ADCY2: variants seen among roughly 807,000 people sequenced by gnomAD.
The protein encoded by ADCY2 is adenylate cyclase type 2.
Under a neutral mutation model 125.2 loss-of-function variants are expected in ADCY2, and 31 were observed. That is an observed-to-expected ratio of 0.25 (90% confidence interval 0.19 to 0.33). The LOEUF is 0.33. Among genes scored for constraint, ADCY2 ranks in the 10% least tolerant of loss-of-function variants. ADCY2 has a pLI of 1.00. For missense variants in ADCY2, 904 were observed against 1,418.2 expected (o/e 0.64, Z 5.82); for synonymous variants, 512 against 548.4 (o/e 0.93, Z 0.93).
At chr5:7,585,791 A>G (rs1227551312) in intron 3 of ADCY2, among the ~76,000 whole-genome samples, 1 of 152,186 alleles carries the variant, frequency 6.6e-6, no homozygotes, top group African/African-American at 2.4e-5. Context: ...AACCCATTGA[A>G]TTGCACACCA....
chr5:7,583,324 A>G (rs554184039), intron 3 of ADCY2, among the ~76,000 whole-genome samples: 16 of 152,244 alleles, frequency 1.1e-4, no homozygotes, highest in African/African-American at 3.8e-4. Flanking sequence ...CTATTTGTGG[A>G]AATTTATAAA....
intron 2 of ADCY2, among the ~76,000 whole-genome samples, chr5:7,432,941 C>T (rs1211100240): frequency 6.6e-6 from 1 of 152,218 alleles, no homozygotes; most frequent in Non-Finnish European, 1.5e-5. Flanking sequence ...GCTTATTGTA[C>T]ATCAGTTATA....
At chr5:7,742,903 A>G (rs1742477961) in intron 14 of ADCY2, among the ~76,000 whole-genome samples, 1 of 152,106 alleles carries the variant, frequency 6.6e-6, no homozygotes, top group African/African-American at 2.4e-5. Context: ...TTTGCATTTC[A>G]TCTTTGATGA....
At chr5:7,769,359 A>G (rs1313858823) in intron 17 of ADCY2, among the ~76,000 whole-genome samples, 1 of 152,220 alleles carries the variant, frequency 6.6e-6, no homozygotes, top group Non-Finnish European at 1.5e-5. Context: ...AAAAAAATTA[A>G]TGACATATAA....
intron 16 of ADCY2, among the ~76,000 whole-genome samples, chr5:7,765,013 G>C (rs905758154): frequency 2.6e-5 from 4 of 152,080 alleles, no homozygotes; most frequent in Non-Finnish European, 5.9e-5. Context: ...GTTAGGAAAC[G>C]TTGTGTGTAG....
At position 7,463,080 on chromosome 5, in the gene ADCY2, T is replaced by C. The variant is rs921332030; in HGVS notation, c.408+48310T>C. Among the ~76,000 whole-genome samples, 4 of 152,358 alleles carry C rather than the reference T, an allele frequency of 2.6e-5. No homozygotes were observed. The South Asian group carries it at 8.3e-4, about 32-fold the overall frequency. On this transcript the variant is annotated intron_variant, in intron 2 of 24. Coordinates refer to ENST00000338316, the MANE Select transcript of ADCY2 (RefSeq NM_020546.3). ...ACCCAACTTTTCCCTTTGAATTGGC[T>C]GATGTTTTCCTTGGAGTCAGTAGCA...
chr5:7,421,070 T>A (rs958909753), intron 2 of ADCY2, among the ~76,000 whole-genome samples: 7 of 152,154 alleles, frequency 4.6e-5, no homozygotes, highest in Non-Finnish European at 5.9e-5. Context: ...TACCCATAAT[T>A]GCTGTGGCGC....
At chr5:7,694,115 A>T (rs1740810987) in intron 5 of ADCY2, among the ~76,000 whole-genome samples, 1 of 152,130 alleles carries the variant, frequency 6.6e-6, no homozygotes, top group East Asian at 1.9e-4. Context: ...ATTCCCACAG[A>T]TCGTGTCCCT....
At chr5:7,509,597 C>T (rs1743979933) in intron 2 of ADCY2, among the ~76,000 whole-genome samples, 1 of 152,194 alleles carries the variant, frequency 6.6e-6, no homozygotes, top group Non-Finnish European at 1.5e-5. Flanking sequence ...CTCTGAATAA[C>T]ATTTTCAGAA....
At chr5:7,793,938 C>T (rs1044131213) in intron 20 of ADCY2, 1 of 152,180 alleles carries the variant, frequency 6.6e-6, no homozygotes, top group Admixed American at 6.5e-5. Context: ...AATGAAAGAG[C>T]TTGGTTTCAG....
At chr5:7,475,749 G>A (rs1310737913) in intron 2 of ADCY2, among the ~76,000 whole-genome samples, 1 of 152,188 alleles carries the variant, frequency 6.6e-6, no homozygotes, top group East Asian at 1.9e-4. Context: ...GCAAAGTCAA[G>A]AGCAGCTCCC....
Position 7,790,220 on chromosome 5 carries a change from C to T in ADCY2, c.2628+420C>T, listed in dbSNP as rs562575548. On this transcript the variant is annotated intron_variant, in intron 20 of 24. Transcript: ENST00000338316. ...GCAACGTTAAACCATGCCTCCCACACGCCCCCTGTTTCCCCACACTCAGCT... is the reference window on the plus strand; with the variant it reads ...GCAACGTTAAACCATGCCTCCCACATGCCCCCTGTTTCCCCACACTCAGCT... Among the ~76,000 whole-genome samples, 260 of 152,230 alleles carry T rather than the reference C, an allele frequency of 1.7e-3. 1 individual carries two copies. The highest frequency in any genetic ancestry group is 5.8e-3 in the African/African-American group (242 of 41,554).
rs1745543253 is a variant in ADCY2 at position 7,827,998 on chromosome 5, T to G, written c.*1127T>G. On this transcript the variant is annotated 3_prime_UTR_variant, in exon 25 of 25. Coordinates refer to ENST00000338316, the MANE Select transcript of ADCY2 (RefSeq NM_020546.3). ...GTACTAAGACCCACAAACTGCCTGT[T>G]AAGTCTGAGAAGGCTAAAGAAGACA... 6.5e-6 allele frequency: 1 copy of G among 152,800 alleles called. No individual in the cohort carries two copies. The allele number at this position is 152,800 out of a possible 1,614,324, so 9.5% of individuals were successfully genotyped here. A position where few individuals can be genotyped will look rare whatever the true frequency, so the allele number is the denominator to read the frequency against.
intron 3 of ADCY2, among the ~76,000 whole-genome samples, chr5:7,620,016 A>G (rs1737903768): frequency 6.6e-6 from 1 of 152,180 alleles, no homozygotes; most frequent in African/African-American, 2.4e-5. Flanking sequence ...AGGATCTTCT[A>G]GGCTTATCTC....
chr5:7,555,841 GAC>G (rs1378150786), intron 3 of ADCY2, among the ~76,000 whole-genome samples: 2 of 141,976 alleles, frequency 1.4e-5, no homozygotes, highest in African/African-American at 2.7e-5. Flanking sequence ...TTCTTTTACA[GAC>G]ACATGTGAGC....
rs1741360871 is a variant in ADCY2 at position 7,709,161 on chromosome 5, T to C, written c.1402-50T>C. On this transcript the variant is annotated intron_variant, in intron 9 of 24. Transcript: ENST00000338316. This position sits in a 1 kb window ranked among gnomAD's most constrained non-coding sequence, Gnocchi z 4.4. ...AATGAGGTCGATGCCAAAAGGATCA[T>C]GTGTGGCCCTGTGCTGTGCCAGGTG... 1.3e-6 allele frequency: 2 copies of C among 1,497,836 alleles called. No individual in the cohort carries two copies. The highest frequency in any genetic ancestry group is 1.4e-5 in the African/African-American group (1 of 70,814). 92.8% of individuals were successfully genotyped at this position (1,497,836 alleles called of 1,614,324 possible).
chr5:7,782,749 T>C (rs942515795), intron 18 of ADCY2, among the ~76,000 whole-genome samples: 1 of 152,242 alleles, frequency 6.6e-6, no homozygotes, highest in African/African-American at 2.4e-5. Context: ...CAATATAGCA[T>C]GAGCATGGTC....
intron 2 of ADCY2, among the ~76,000 whole-genome samples, chr5:7,487,616 T>C (rs2397353): frequency 0.068 from 10,335 of 152,178 alleles, 639 homozygotes; most frequent in African/African-American, 0.16. Context: ...TGTACTCAGC[T>C]CCTAGATAAC....
chr5:7,708,008 T>TAA, intron 9 of ADCY2, 170 bp downstream of exon 9: 2 of 710,514 alleles, frequency 2.8e-6, no homozygotes, highest in African/African-American at 1.8e-5. Flanking sequence ...TAATTATGAA[T>TAA]TCAAATACTT....
Sources: allele counts gnomAD v4.1 joint callset (sites outside exome capture counted in the v4.1 genomes callset), GRCh38; gene constraint gnomAD v4.1.1; non-coding constraint Gnocchi (gnomAD v3.1); transcripts MANE v1.5; gene names NCBI Gene and HGNC (gene_info 2026-07-23, HGNC 2026-07-21).